The following JARID2 variants were observed in gnomAD, a reference collection of about 807,000 sequenced individuals.
JARID2 encodes the protein protein Jumonji.
Under a neutral mutation model 125.6 loss-of-function variants are expected in JARID2, and 21 were observed. The ratio of observed to expected loss-of-function variants is 0.17; its 90% confidence interval spans 0.12 to 0.24. The LOEUF is 0.24. Ranked by LOEUF, JARID2 falls within the 10% of genes least tolerant of loss-of-function variation. JARID2 has a pLI of 1.00. For synonymous variants in JARID2, 736 were observed against 661.6 expected, an observed-to-expected ratio of 1.11 and a Z score of -1.73; for missense variants, 1,303 against 1,639.6, an observed-to-expected ratio of 0.79 and a Z score of 3.55.
intron 1 of JARID2, among the ~76,000 whole-genome samples, chr6:15,307,808 A>C (rs577090390): frequency 1.3e-5 from 2 of 152,218 alleles, no homozygotes; most frequent in African/African-American, 4.8e-5. Flanking sequence ...TCATTGCCCA[A>C]ATTTGCTAGG....
At chr6:15,381,614 A>C (rs1295859092) in intron 2 of JARID2, among the ~76,000 whole-genome samples, 1 of 152,186 alleles carries the variant, frequency 6.6e-6, no homozygotes, top group Admixed American at 6.5e-5. Context: ...AGGAAGCTAC[A>C]TTTGTTGTGG....
rs891787500 is a variant in JARID2 at position 15,362,168 on chromosome 6, A to G, written c.46-11949A>G. Reference sequence around the variant, plus strand: ...CTCCCAAAGTGCTGGAATTACAGACATGAGCTGCCCCACCAGGCCTGGAAG... The same window carrying G: ...CTCCCAAAGTGCTGGAATTACAGACGTGAGCTGCCCCACCAGGCCTGGAAG... On this transcript the variant is annotated intron_variant, in intron 1 of 17. Coordinates refer to ENST00000341776, the MANE Select transcript of JARID2 (RefSeq NM_004973.4). 3.9e-5 allele frequency among the ~76,000 whole-genome samples: 6 copies of G among 151,992 alleles called. No individual in the cohort carries two copies. The East Asian group carries it at 7.7e-4, about 20-fold the overall frequency.
chr6:15,479,789 G>A (rs960620622), intron 5 of JARID2, among the ~76,000 whole-genome samples: 2 of 152,208 alleles, frequency 1.3e-5, no homozygotes, highest in Non-Finnish European at 2.9e-5. Flanking sequence ...GCTCACCTAA[G>A]CTGTGTTCTT....
intron 1 of JARID2, among the ~76,000 whole-genome samples, chr6:15,337,038 C>T (rs530832262): frequency 6.6e-6 from 1 of 152,186 alleles, no homozygotes; most frequent in African/African-American, 2.4e-5. Flanking sequence ...TTCCATTGTC[C>T]TCCTCGCAGG....
At position 15,521,577 on chromosome 6, in the gene JARID2, C is replaced by A. The variant is rs1388367821; in HGVS notation, c.*1326C>A. 1 of 152,012 alleles carries A rather than the reference C, an allele frequency of 6.6e-6. No homozygotes were observed. The highest frequency in any genetic ancestry group is 1.5e-5 in the Non-Finnish European group (1 of 68,016). 9.4% of individuals were successfully genotyped at this position (152,012 alleles called of 1,614,324 possible). ...AAAAATAATAATGGAGTAGCTGTTG[C>A]CCTTCTCCGGTTGTGTGTACAGTAT... On this transcript the variant is annotated 3_prime_UTR_variant, in exon 18 of 18. Transcript: ENST00000341776.
chr6:15,394,051 C>T (rs1357216535), intron 2 of JARID2, among the ~76,000 whole-genome samples: 2 of 152,064 alleles, frequency 1.3e-5, no homozygotes, highest in African/African-American at 2.4e-5. Context: ...TCTTCTACTT[C>T]CGAGGAATTT....
intron 3 of JARID2, among the ~76,000 whole-genome samples, chr6:15,414,844 C>T (rs1165294229): frequency 1.3e-5 from 2 of 150,850 alleles, no homozygotes; most frequent in African/African-American, 2.4e-5. Flanking sequence ...ATTGATCATT[C>T]TTGGGTGTTT....
intron 1 of JARID2, among the ~76,000 whole-genome samples, chr6:15,344,629 C>G (rs139773860): frequency 6.6e-6 from 1 of 151,980 alleles, no homozygotes; most frequent in African/African-American, 2.4e-5. Context: ...AACAAATGAT[C>G]TATGACTATT....
intron 6 of JARID2, among the ~76,000 whole-genome samples, chr6:15,495,515 C>G (rs1318751506): frequency 6.6e-6 from 1 of 152,236 alleles, no homozygotes; most frequent in African/African-American, 2.4e-5. Flanking sequence ...CAGTTTGCAG[C>G]CACACCTCTG....
At chr6:15,400,519 C>G (rs1765384535) in intron 2 of JARID2, among the ~76,000 whole-genome samples, 2 of 152,116 alleles carry the variant, frequency 1.3e-5, no homozygotes, top group Admixed American at 1.3e-4. Context: ...ATCTGACCGG[C>G]TGGGGACACA....
At chr6:15,400,969 T>G (rs1436387006) in intron 2 of JARID2, 39 of 1,289,494 alleles carry the variant, frequency 3.0e-5, no homozygotes, top group Non-Finnish European at 3.9e-5. Context: ...TCCACGGGTC[T>G]GTCAGGTGCA....
chr6:15,515,924 A>G (rs561601255), intron 16 of JARID2, among the ~76,000 whole-genome samples: 20 of 149,880 alleles, frequency 1.3e-4, no homozygotes, highest in Non-Finnish European at 2.8e-4. Context: ...AGTCCCAGCT[A>G]CTCGGGAGGT....
In JARID2 at chr6:15,512,985, A is replaced by G. The variant is rs1771349286; in HGVS notation, c.3206A>G (p.Glu1069Gly). Residue 1069 changes from glutamate to glycine, a missense_variant, in exon 15 of 18, where the codon GAA (glutamate) becomes GGA (glycine). Physicochemically the swap from Glu to Gly is moderately conservative, Grantham distance 98. Coordinates refer to ENST00000341776, the MANE Select transcript of JARID2 (RefSeq NM_004973.4). ...TTACTCTACCAGATTGCACAAGCAG[A>G]AGCAAAAAAAGAAAACGGTCCCACT... Reference protein sequence around the residue: ...EKLLYQIAQAEAKKENGPTLS... With the variant: ...EKLLYQIAQAGAKKENGPTLS... The G allele has an allele frequency of 1.2e-6, 2 of 1,613,882 alleles. No homozygotes were observed. Among genetic ancestry groups the G allele is most frequent in the East Asian group, 2.2e-5 (1 of 44,804 alleles).
chr6:15,487,744 C>T (rs1240051991), intron 6 of JARID2, among the ~76,000 whole-genome samples: 2 of 152,238 alleles, frequency 1.3e-5, no homozygotes, highest in Non-Finnish European at 2.9e-5. Flanking sequence ...GTTGGATTTG[C>T]ATTCATCCCT....
chr6:15,419,736 T>G (rs1381543143), intron 3 of JARID2, among the ~76,000 whole-genome samples: 1 of 152,254 alleles, frequency 6.6e-6, no homozygotes, highest in Non-Finnish European at 1.5e-5. Flanking sequence ...TCATTTCTGA[T>G]GAGAATCCTG....
intron 1 of JARID2, among the ~76,000 whole-genome samples, chr6:15,338,670 C>G (rs1762963486): frequency 6.6e-6 from 1 of 152,156 alleles, no homozygotes; most frequent in Non-Finnish European, 1.5e-5. Flanking sequence ...CCCTCTAGCC[C>G]TGCCCCTATG....
chr6:15,425,340 A>T (rs1766678218), intron 3 of JARID2, among the ~76,000 whole-genome samples: 1 of 152,200 alleles, frequency 6.6e-6, no homozygotes, highest in African/African-American at 2.4e-5. Context: ...GCTGAGATGC[A>T]GCTACATATG....
At chr6:15,447,034 C>CT (rs1767701818) in intron 3 of JARID2, among the ~76,000 whole-genome samples, 1 of 152,108 alleles carries the variant, frequency 6.6e-6, no homozygotes, top group African/African-American at 2.4e-5. Context: ...AGTGACCAGC[C>CT]TTTCTTATTT....
chr6:15,413,005 T>TTG (rs1765956835), intron 3 of JARID2, among the ~76,000 whole-genome samples: 1 of 59,170 alleles, frequency 1.7e-5, no homozygotes, highest in African/African-American at 9.8e-5. Flanking sequence ...AGCTTGTGTT[T>TTG]TTGTTTTTTT....
Sources: gnomAD v4.1 joint callset for allele counts (sites outside exome capture counted in the v4.1 genomes callset) on GRCh38, gnomAD v4.1.1 for gene constraint, MANE v1.5 for transcripts, NCBI Gene and HGNC (gene_info 2026-07-23, HGNC 2026-07-21) for gene names.